PPP1R16A: variants seen among roughly 807,000 people sequenced by gnomAD.
PPP1R16A encodes the protein myosin phosphatase-targeting subunit 3.
PPP1R16A carries 39 observed loss-of-function variants against 46.6 expected under a neutral mutation model. That is an observed-to-expected ratio of 0.84 (90% confidence interval 0.65 to 1.09). PPP1R16A has a LOEUF of 1.09. Ranked by LOEUF, PPP1R16A falls within the 50% of genes least tolerant of loss-of-function variation. PPP1R16A has a pLI of 0.00. For synonymous variants in PPP1R16A, 413 were observed against 321.5 expected (o/e 1.28, Z -3.04); for missense variants, 798 against 735.6 (o/e 1.08, Z -0.98).
rs1360008928 is a variant in PPP1R16A at position 144,500,484 on chromosome 8, C to T, written c.706-3C>T. On this transcript the variant is annotated splice_polypyrimidine_tract_variant and splice_region_variant and intron_variant, in intron 7 of 11. Transcript: ENST00000435887. Reference sequence around the variant, plus strand: ...CGAATTCAGGCCGGGCGCTTGCCTGCAGCTGCACGTCGCAGCCGCCAACGG... The same window carrying T: ...CGAATTCAGGCCGGGCGCTTGCCTGTAGCTGCACGTCGCAGCCGCCAACGG... The T allele has an allele frequency of 1.3e-6, 2 of 1,578,594 alleles. No individual in the cohort carries two copies. Among genetic ancestry groups the T allele is most frequent in the Non-Finnish European group, 1.7e-6 (2 of 1,171,014 alleles).
At chr8:144,499,309 C>G (rs1029785400) in intron 5 of PPP1R16A, 38 of 551,906 alleles carry the variant, frequency 6.9e-5, no homozygotes, top group Non-Finnish European at 3.2e-5. Context: ...GCCTCGGGCC[C>G]CCCCCCAGAG....
At position 144,500,435 on chromosome 8, in the gene PPP1R16A, C is replaced by A. The variant is rs773492340; in HGVS notation, c.705+44C>A. The A allele has an allele frequency of 1.8e-4, 277 of 1,529,876 alleles. 1 individual carries two copies. The highest frequency in any genetic ancestry group is 5.7e-5 in the Non-Finnish European group (65 of 1,144,116). 94.8% of individuals were successfully genotyped at this position (1,529,876 alleles called of 1,614,324 possible). A position where few individuals can be genotyped will look rare whatever the true frequency, so the allele number is the denominator to read the frequency against. On this transcript the variant is annotated intron_variant, in intron 7 of 11. Transcript: ENST00000435887. ...GGGGCACACGGGGCTGGGGGCCTCG[C>A]TACTTGGAGGTGGGGGATGGGGCCG... is the stretch of plus-strand genomic sequence containing the variant.
chr8:144,497,475 G>A (rs1826130761), intron 3 of PPP1R16A, 22 bp downstream of exon 3: 11 of 1,610,768 alleles, frequency 6.8e-6, no homozygotes, highest in Non-Finnish European at 9.3e-6. Context: ...TGAGCCCAGA[G>A]CAGCTCCCAG....
At chr8:144,497,762 T>C (rs554842766) in intron 3 of PPP1R16A, 10 of 503,544 alleles carry the variant, frequency 2.0e-5, no homozygotes, top group African/African-American at 5.8e-5. Context: ...CAGAAAAACC[T>C]AGTGCGGGGC....
intron 1 of PPP1R16A, among the ~76,000 whole-genome samples, chr8:144,488,352 C>T (rs567332722): frequency 6.6e-6 from 1 of 152,202 alleles, no homozygotes; most frequent in South Asian, 2.1e-4. Flanking sequence ...GCGTCAGAGC[C>T]CTTGAGGGAG....
chr8:144,483,198 A>G (rs572344991), intron 1 of PPP1R16A, among the ~76,000 whole-genome samples: 1 of 152,254 alleles, frequency 6.6e-6, no homozygotes, highest in South Asian at 2.1e-4. Flanking sequence ...CAGTCTTTCT[A>G]TCTACAGAAC....
Position 144,501,596 on chromosome 8 carries a change from G to T in PPP1R16A, c.1280G>T (p.Arg427Leu), listed in dbSNP as rs200095776. Residue 427 changes from arginine (R) to leucine (L), a missense_variant, in exon 12 of 12, where the codon CGA becomes CTA. Physicochemically the swap from Arg to Leu is moderately radical, Grantham distance 102 (BLOSUM62 -2). Coordinates refer to ENST00000435887, the MANE Select transcript of PPP1R16A (RefSeq NM_001329443.2). ...GSPVRHLYSK[R>L]LDRSVSYQLS... The stretch of plus-strand genomic sequence containing the variant: ...CCAGTGCGGCATCTATACTCCAAGC[G>T]ACTAGACCGGAGTGTCTCCTACCAG... The T allele has an allele frequency of 2.0e-4, 323 of 1,607,042 alleles. 2 individuals are homozygous for T. In the East Asian group the frequency reaches 5.2e-3, roughly 26 times the overall value.
chr8:144,487,685 C>T (rs1205678222), intron 1 of PPP1R16A, among the ~76,000 whole-genome samples: 2 of 152,204 alleles, frequency 1.3e-5, no homozygotes, highest in Admixed American at 1.3e-4. Context: ...CTGGACTCAA[C>T]CGTATTCCAT....
At chr8:144,499,383 A>G (rs1022584588) in intron 5 of PPP1R16A, 5 of 365,966 alleles carry the variant, frequency 1.4e-5, no homozygotes, top group African/African-American at 1.0e-4. Flanking sequence ...AAGCAGAGTG[A>G]GGAGGCCAGG....
Position 144,502,121 on chromosome 8 carries a change from A to G in PPP1R16A, c.*218A>G, listed in dbSNP as rs1271982444. On this transcript the variant is annotated 3_prime_UTR_variant, in exon 12 of 12. Transcript: ENST00000435887. Reference sequence around the variant, plus strand: ...TTGATAAAGGGCTGTTTTGCCATGGAGCCTCGTTGTGTGTTGTGTGTCTCA... The same window carrying G: ...TTGATAAAGGGCTGTTTTGCCATGGGGCCTCGTTGTGTGTTGTGTGTCTCA... 1 of 538,988 alleles carries G rather than the reference A, an allele frequency of 1.9e-6. No individual in the cohort carries two copies. The highest frequency in any genetic ancestry group is 3.2e-6 in the Non-Finnish European group (1 of 309,378). 33.4% of individuals were successfully genotyped at this position (538,988 alleles called of 1,614,324 possible). A position where few individuals can be genotyped will look rare whatever the true frequency, so the allele number is the denominator to read the frequency against.
chr8:144,487,272 G>A (rs1235304624), intron 1 of PPP1R16A, among the ~76,000 whole-genome samples: 1 of 152,104 alleles, frequency 6.6e-6, no homozygotes, highest in Non-Finnish European at 1.5e-5. Flanking sequence ...AAGTCACTGC[G>A]CCTGGCCCCA....
intron 2 of PPP1R16A, among the ~76,000 whole-genome samples, chr8:144,492,698 G>T (rs1226464397): frequency 6.6e-6 from 1 of 152,094 alleles, no homozygotes; most frequent in Non-Finnish European, 1.5e-5. Context: ...CTGTGAAAGG[G>T]GAGCCTACAG....
Position 144,501,242 on chromosome 8 carries a change from A to T in PPP1R16A, c.1151A>T (p.Glu384Val). 1 of 1,605,342 alleles carries T rather than the reference A, an allele frequency of 6.2e-7. No individual in the cohort carries two copies. The highest frequency in any genetic ancestry group is 8.5e-7 in the Non-Finnish European group (1 of 1,179,000). The change falls in exon 11 of 12, where the codon GAG becomes GTG. Residue 384 changes from glutamate to valine, a missense_variant. By Grantham distance (121) the Glu-to-Val change is moderately radical. Coordinates refer to ENST00000435887, the MANE Select transcript of PPP1R16A (RefSeq NM_001329443.2). The part of the protein sequence containing the change: ...QPPPTSPEPP[E>V]DNDDRQTGAE... ...CCGCCCACCAGCCCGGAGCCGCCCG[A>T]GGACAACGATGACCGCCAGACAGGC...
intron 1 of PPP1R16A, among the ~76,000 whole-genome samples, chr8:144,489,439 C>G (rs1169785882): frequency 6.6e-6 from 1 of 151,702 alleles, no homozygotes; most frequent in East Asian, 1.9e-4. Context: ...ACACTGGGCC[C>G]TGGAGGACAC....
At chr8:144,489,815 A>G (rs1422547366) in intron 1 of PPP1R16A, among the ~76,000 whole-genome samples, 1 of 152,170 alleles carries the variant, frequency 6.6e-6, no homozygotes, top group Non-Finnish European at 1.5e-5. Context: ...GCAGCCACCA[A>G]CCTGCTTTAT....
chr8:144,488,215 G>A (rs1287007602), intron 1 of PPP1R16A, among the ~76,000 whole-genome samples: 1 of 152,120 alleles, frequency 6.6e-6, no homozygotes, highest in African/African-American at 2.4e-5. Context: ...GAAAAGGCAA[G>A]GGAAGCTCTT....
Position 144,501,934 on chromosome 8 carries a change from G to A in PPP1R16A, c.*31G>A, listed in dbSNP as rs2721198. 51 of 1,485,590 alleles carry A rather than the reference G, an allele frequency of 3.4e-5. 1 individual carries two copies. Among genetic ancestry groups the A allele is most frequent in the Non-Finnish European group, 4.3e-5 (48 of 1,119,452 alleles). The allele number at this position is 1,485,590 out of a possible 1,614,324, so 92.0% of individuals were successfully genotyped here. A position where few individuals can be genotyped will look rare whatever the true frequency, so the allele number is the denominator to read the frequency against. On this transcript the variant is annotated 3_prime_UTR_variant, in exon 12 of 12. Transcript: ENST00000435887. ...TTGCTCAGCATGCAGGGGCCCTGTC[G>A]CGGGCACAGCCCAAGGCTGCCTCCC...
Position 144,501,516 on chromosome 8 carries a change from G to A in PPP1R16A, c.1204-4G>A, listed in dbSNP as rs200550202. ...GATGGCTCTGGGACCTTCACTGCCCGCAGGAGGACAACCCCGAAGTGGTCA... is the reference window on the plus strand; with the variant it reads ...GATGGCTCTGGGACCTTCACTGCCCACAGGAGGACAACCCCGAAGTGGTCA... On this transcript the variant is annotated splice_polypyrimidine_tract_variant and splice_region_variant and intron_variant, in intron 11 of 11. Transcript: ENST00000435887. 16 of 1,540,612 alleles carry A rather than the reference G, an allele frequency of 1.0e-5. No homozygotes were observed. Among genetic ancestry groups the A allele is most frequent in the African/African-American group, 6.8e-5 (5 of 73,204 alleles).
intron 1 of PPP1R16A, among the ~76,000 whole-genome samples, chr8:144,480,889 T>C (rs528539087): frequency 1.3e-5 from 2 of 152,020 alleles, no homozygotes; most frequent in South Asian, 4.1e-4. Flanking sequence ...GGGTTTTGTT[T>C]GATGGGTTTT....
Sources: allele counts gnomAD v4.1 joint callset (sites outside exome capture counted in the v4.1 genomes callset), GRCh38; gene constraint gnomAD v4.1.1; transcripts MANE v1.5; gene names NCBI Gene and HGNC (gene_info 2026-07-23, HGNC 2026-07-21).